Variants in NRF1 observed in about 807,000 individuals in gnomAD.
NRF1 encodes the protein nuclear respiratory factor 1, also known as alpha palindromic-binding protein.
A neutral mutation model predicts 58.5 loss-of-function variants in NRF1; 5 were observed. The ratio of observed to expected loss-of-function variants is 0.09; its 90% CI spans 0.04 to 0.18. NRF1 has a LOEUF of 0.18. NRF1 is among the 10% of genes least tolerant of loss of function. NRF1 has a pLI of 1.00. For missense variants in NRF1, 288 were observed against 657.7 expected (o/e 0.44, Z 6.15); for synonymous variants, 224 against 246.7 (o/e 0.91, Z 0.86).
chr7:129,649,271 T>G (rs1350801192), intron 1 of NRF1, among the ~76,000 whole-genome samples: 1 of 152,172 alleles, frequency 6.6e-6, no homozygotes, highest in Non-Finnish European at 1.5e-5. Context: ...ATATTCTGGA[T>G]ATGTTCAAGA....
chr7:129,673,811 C>A (rs1056226964), intron 3 of NRF1, among the ~76,000 whole-genome samples: 5 of 151,452 alleles, frequency 3.3e-5, no homozygotes, highest in African/African-American at 4.9e-5. Context: ...CACATGTATC[C>A]CAGAACTTAA....
rs1803840810 is a variant in NRF1 at position 129,741,319 on chromosome 7, G to A, written c.1349-13699G>A. Reference sequence around the variant, plus strand: ...TCCTCTCCATCCACGGTGTCCTCAAGGCCAAGTTACATGCTTCTTTGTCTC... The same window carrying A: ...TCCTCTCCATCCACGGTGTCCTCAAAGCCAAGTTACATGCTTCTTTGTCTC... On this transcript the variant is annotated intron_variant, in intron 10 of 10. Transcript: ENST00000393232. The surrounding 1 kb of genome is among the most constrained non-coding windows in gnomAD (Gnocchi z 4.0). 6.6e-6 allele frequency among the ~76,000 whole-genome samples: 1 copy of A among 152,172 alleles called. No homozygotes were observed. The highest frequency in any genetic ancestry group is 1.5e-5 in the Non-Finnish European group (1 of 68,038).
chr7:129,662,835 T>A (rs1306900430), intron 2 of NRF1, among the ~76,000 whole-genome samples: 1 of 152,106 alleles, frequency 6.6e-6, no homozygotes, highest in Non-Finnish European at 1.5e-5. Context: ...AGGATAATAG[T>A]GGAGAGAAGG....
chr7:129,678,279 T>G (rs1270307725), intron 4 of NRF1, among the ~76,000 whole-genome samples: 1 of 152,220 alleles, frequency 6.6e-6, no homozygotes, highest in Non-Finnish European at 1.5e-5. Context: ...ATAAAAATAG[T>G]CTTTTGCCCC....
chr7:129,626,301 A>G (rs892130883), intron 1 of NRF1, among the ~76,000 whole-genome samples: 144 of 152,172 alleles, frequency 9.5e-4, no homozygotes, highest in Non-Finnish European at 1.3e-3. Flanking sequence ...AGAACCCAGC[A>G]TGAGAGTTGT....
intron 9 of NRF1, among the ~76,000 whole-genome samples, chr7:129,726,761 C>G (rs573278528): frequency 2.0e-4 from 31 of 152,306 alleles, no homozygotes; most frequent in Middle Eastern, 3.4e-3. Flanking sequence ...CAGGTTGCTG[C>G]TGACTCCTCA....
intron 10 of NRF1, among the ~76,000 whole-genome samples, chr7:129,731,477 TAG>T (rs973135782): frequency 2.0e-5 from 3 of 152,184 alleles, no homozygotes; most frequent in Admixed American, 6.5e-5. Context: ...TCTTTTTCAA[TAG>T]AGTCTTTGGT....
intron 1 of NRF1, among the ~76,000 whole-genome samples, chr7:129,653,027 T>G (rs1443091493): frequency 1.3e-5 from 2 of 152,256 alleles, no homozygotes; most frequent in African/African-American, 4.8e-5. Context: ...GTTAAGTACA[T>G]TCACACTGTT....
At chr7:129,647,774 A>G (rs1445763141) in intron 1 of NRF1, among the ~76,000 whole-genome samples, 1 of 152,246 alleles carries the variant, frequency 6.6e-6, no homozygotes. Flanking sequence ...AGGAATATTT[A>G]CAAAGTTAAC....
chr7:129,754,696 CAATG>C (rs1804210359), intron 10 of NRF1, among the ~76,000 whole-genome samples: 1 of 151,880 alleles, frequency 6.6e-6, no homozygotes, highest in Non-Finnish European at 1.5e-5. Flanking sequence ...GTTGTCACCA[CAATG>C]AATGATAAAT....
intron 8 of NRF1, among the ~76,000 whole-genome samples, chr7:129,713,560 T>C (rs1334689875): frequency 6.6e-6 from 1 of 152,246 alleles, no homozygotes; most frequent in Non-Finnish European, 1.5e-5. Flanking sequence ...ATAGTATTTT[T>C]CCATCCATCC....
At chr7:129,737,509 C>A (rs1803744382) in intron 10 of NRF1, among the ~76,000 whole-genome samples, 1 of 152,220 alleles carries the variant, frequency 6.6e-6, no homozygotes, top group South Asian at 2.1e-4. Context: ...TGTTCCAACT[C>A]TTTAAAAATG....
At chr7:129,634,044 A>AT (rs1307221529) in intron 1 of NRF1, among the ~76,000 whole-genome samples, 49 of 53,718 alleles carry the variant, frequency 9.1e-4, no homozygotes, top group African/African-American at 2.5e-3. Flanking sequence ...AAAAAAAAAG[A>AT]TATATATATA....
intron 10 of NRF1, among the ~76,000 whole-genome samples, chr7:129,747,653 T>C (rs1249766582): frequency 6.6e-6 from 1 of 152,208 alleles, no homozygotes; most frequent in South Asian, 2.1e-4. Context: ...ATTTTACATA[T>C]GAGGAAACAG....
intron 1 of NRF1, among the ~76,000 whole-genome samples, chr7:129,623,512 GTAAAGAA>G (rs1217125816): frequency 6.6e-6 from 1 of 151,912 alleles, no homozygotes; most frequent in Non-Finnish European, 1.5e-5. Flanking sequence ...CTAATTCTGT[GTAAAGAA>G]TAACTGGAAC....
At chr7:129,699,302 GA>G (rs1361411724) in intron 5 of NRF1, among the ~76,000 whole-genome samples, 1 of 151,970 alleles carries the variant, frequency 6.6e-6, no homozygotes, top group African/African-American at 2.4e-5. Flanking sequence ...GTTCTGTTTT[GA>G]AAAAACATTG....
chr7:129,709,720 CTTTT>C (rs1369930886), intron 6 of NRF1, among the ~76,000 whole-genome samples: 2 of 145,278 alleles, frequency 1.4e-5, no homozygotes, highest in Non-Finnish European at 1.5e-5. Context: ...CTTTTTCTTT[CTTTT>C]CTTTCTTTTT....
At chr7:129,650,695 C>T (rs922456744) in intron 1 of NRF1, among the ~76,000 whole-genome samples, 1 of 151,844 alleles carries the variant, frequency 6.6e-6, no homozygotes, top group African/African-American at 2.4e-5. Flanking sequence ...TCATTTAATC[C>T]TCATATCATC....
intron 1 of NRF1, among the ~76,000 whole-genome samples, chr7:129,618,085 T>G (rs774621233): frequency 4.3e-4 from 65 of 152,262 alleles, no homozygotes; most frequent in Non-Finnish European, 8.7e-4. Flanking sequence ...TAGAGACTTG[T>G]GAGAGTATTG....
Sources: allele counts gnomAD v4.1 joint callset (sites outside exome capture counted in the v4.1 genomes callset), GRCh38; gene constraint gnomAD v4.1.1; non-coding constraint Gnocchi (gnomAD v3.1); transcripts MANE v1.5; gene names NCBI Gene and HGNC (gene_info 2026-07-23, HGNC 2026-07-21).